The following SLC35F5 variants were observed in gnomAD, a reference collection of about 807,000 sequenced individuals.
SLC35F5 encodes solute carrier family 35 member F5.
A neutral mutation model predicts 68.6 loss-of-function variants in SLC35F5; 54 were observed. The ratio of observed to expected loss-of-function variants is 0.79; its 90% CI spans 0.63 to 0.99. The LOEUF (loss-of-function observed/expected upper bound fraction) is 0.99, where lower values mean the gene tolerates loss of function less well. Ranked by LOEUF, SLC35F5 falls within the 50% of genes least tolerant of loss-of-function variation. SLC35F5 has a pLI of 0.00. For missense variants in SLC35F5, 567 were observed against 626.9 expected, an observed-to-expected ratio of 0.90 and a Z score of 1.02; for synonymous variants, 211 against 205.2, an observed-to-expected ratio of 1.03 and a Z score of -0.24.
downstream of SLC35F5, among the ~76,000 whole-genome samples, chr2:113,703,322 TAA>T (rs1686733343): frequency 6.6e-6 from 1 of 152,268 alleles, no homozygotes; most frequent in East Asian, 1.9e-4. Context: ...GTCCATATGC[TAA>T]AAGCAAGGAT....
At chr2:113,743,665 T>G in intron 6 of SLC35F5, 48 bp downstream of exon 6, 1 of 1,465,910 alleles carries the variant, frequency 6.8e-7, no homozygotes. Flanking sequence ...AGTTCTGAAG[T>G]GGCTTGAATA....
chr2:113,727,589 G>A (rs921562166), intron 11 of SLC35F5, among the ~76,000 whole-genome samples: 3 of 152,156 alleles, frequency 2.0e-5, no homozygotes, highest in Admixed American at 1.3e-4. Flanking sequence ...AGAATCTGGC[G>A]CCACATGCCT....
chr2:113,703,976 C>T (rs1033856513), downstream of SLC35F5: 1 of 152,508 alleles, frequency 6.6e-6, no homozygotes, highest in Non-Finnish European at 1.5e-5. Context: ...GGAGTTGGTT[C>T]CTTCTGATGT....
chr2:113,719,386 A>G (rs1439451661), intron 13 of SLC35F5, 78 bp from the exon 14 acceptor site: 6 of 1,321,878 alleles, frequency 4.5e-6, no homozygotes, highest in Middle Eastern at 2.7e-4. Context: ...TAAGTTTTCT[A>G]TTTGTGAAAA....
intron 4 of SLC35F5, among the ~76,000 whole-genome samples, chr2:113,749,959 TA>T (rs1489014231): frequency 2.0e-5 from 3 of 152,174 alleles, no homozygotes; most frequent in Non-Finnish European, 4.4e-5. Context: ...TATTATATTA[TA>T]TTACATCAAT....
At chr2:113,738,949 A>G (rs1352566264) in intron 7 of SLC35F5, among the ~76,000 whole-genome samples, 4 of 152,234 alleles carry the variant, frequency 2.6e-5, no homozygotes, top group Non-Finnish European at 1.5e-5. Flanking sequence ...AAATACAAAT[A>G]TAATATTGAA....
intron 11 of SLC35F5, 77 bp from the exon 12 acceptor site, chr2:113,725,614 AT>A: frequency 7.3e-7 from 1 of 1,370,464 alleles, no homozygotes; most frequent in Non-Finnish European, 9.8e-7. Context: ...TAAAATCAAA[AT>A]TAGATTTTGC....
chr2:113,707,980 G>A lies in SLC35F5; in HGVS notation c.*7238C>T, dbSNP rs1004198483. On this transcript the variant is annotated 3_prime_UTR_variant, in exon 16 of 16. Coordinates refer to ENST00000245680, the MANE Select transcript of SLC35F5 (RefSeq NM_025181.5). ...CATGTTCTACTAGTAAAGGGAATTCGCATTTTCAATGTCCTGTCTGCATTC... is the reference window on the plus strand; with the variant it reads ...CATGTTCTACTAGTAAAGGGAATTCACATTTTCAATGTCCTGTCTGCATTC... Among the ~76,000 whole-genome samples the A allele has an allele frequency of 5.9e-5, 9 of 151,640 alleles. No individual in the cohort carries two copies. Among genetic ancestry groups the A allele is most frequent in the African/African-American group, 1.5e-4 (6 of 41,310 alleles).
At chr2:113,738,475 T>G (rs1229693565) in intron 7 of SLC35F5, among the ~76,000 whole-genome samples, 1 of 152,074 alleles carries the variant, frequency 6.6e-6, no homozygotes, top group East Asian at 1.9e-4. Context: ...GCCATGAAAA[T>G]GTACTATATA....
At chr2:113,718,293 G>T in intron 14 of SLC35F5, among the ~76,000 whole-genome samples, 1 of 151,718 alleles carries the variant, frequency 6.6e-6, no homozygotes, top group South Asian at 2.1e-4. Context: ...TTGATATGTT[G>T]CCCAGGCTGG....
At position 113,742,664 on chromosome 2, in the gene SLC35F5, A is replaced by C. The variant is rs537858238; in HGVS notation, c.750+28T>G. Reference sequence around the variant, plus strand: ...TCTTAAAATTCAAGTTTCAAACATCATATGCAAACATATCATAAAAGACCT... The same window carrying C: ...TCTTAAAATTCAAGTTTCAAACATCCTATGCAAACATATCATAAAAGACCT... On this transcript the variant is annotated intron_variant, in intron 7 of 15. Transcript: ENST00000245680. The C allele has an allele frequency of 1.1e-5, 17 of 1,608,658 alleles. No individual in the cohort carries two copies. In the Admixed American group the frequency reaches 2.3e-4, roughly 22 times the overall value.
chr2:113,731,502 G>A, intron 10 of SLC35F5, 82 bp downstream of exon 10: 1 of 1,029,452 alleles, frequency 9.7e-7, no homozygotes, highest in Non-Finnish European at 1.5e-6. Context: ...CCTACCCTTT[G>A]TGCGTTCATC....
chr2:113,734,007 C>CT (rs1687993232), intron 9 of SLC35F5, among the ~76,000 whole-genome samples: 1 of 152,200 alleles, frequency 6.6e-6, no homozygotes, highest in Admixed American at 6.5e-5. Flanking sequence ...TAAAACAAGG[C>CT]TATGGCCTTC....
Position 113,756,525 on chromosome 2 carries a change from G to A in SLC35F5, c.-116C>T, listed in dbSNP as rs913529099. 1.7e-5 allele frequency: 25 copies of A among 1,497,576 alleles called. No individual in the cohort carries two copies. In the African/African-American group the frequency reaches 3.3e-4, roughly 20 times the overall value. The allele number at this position is 1,497,576 out of a possible 1,614,324, so 92.8% of individuals were successfully genotyped here. ...CTGGAGGCCCAGCTCCTGAAGACGC[G>A]GTGCCCCTCAGGGAGAGGCTCCCGA... On this transcript the variant is annotated 5_prime_UTR_variant, in exon 1 of 16. Transcript: ENST00000245680.
chr2:113,724,750 G>A (rs1687591147), intron 12 of SLC35F5, among the ~76,000 whole-genome samples: 1 of 152,018 alleles, frequency 6.6e-6, no homozygotes, highest in Non-Finnish European at 1.5e-5. Context: ...TAAGTATAAA[G>A]CTCTGTTATT....
intron 3 of SLC35F5, among the ~76,000 whole-genome samples, 162 bp from the exon 4 acceptor site, chr2:113,750,730 T>C (rs1402382216): frequency 6.6e-6 from 1 of 152,220 alleles, no homozygotes; most frequent in Non-Finnish European, 1.5e-5. Context: ...TTCTGAAGAC[T>C]GTATCGGCCT....
chr2:113,723,361 C>A (rs1687530369), intron 12 of SLC35F5, among the ~76,000 whole-genome samples, 167 bp from the exon 13 acceptor site: 2 of 151,676 alleles, frequency 1.3e-5, no homozygotes, highest in Admixed American at 1.3e-4. Context: ...AGATGATTCT[C>A]AGTTTTTCTT....
chr2:113,707,457 A>G lies in SLC35F5; in HGVS notation c.*7761T>C, dbSNP rs185522785. On this transcript the variant is annotated 3_prime_UTR_variant, in exon 16 of 16. Transcript: ENST00000245680. Reference sequence around the variant, plus strand: ...GTATATAAAATAACCCTTTACAAGGATTTACTAGGATGACTGCAAAGAAAG... The same window carrying G: ...GTATATAAAATAACCCTTTACAAGGGTTTACTAGGATGACTGCAAAGAAAG... Among the ~76,000 whole-genome samples the G allele has an allele frequency of 2.1e-3, 322 of 152,334 alleles. 2 individuals are homozygous for G. The highest frequency in any genetic ancestry group is 7.5e-3 in the African/African-American group (313 of 41,572).
At chr2:113,754,245 G>A (rs548545846) in intron 3 of SLC35F5, among the ~76,000 whole-genome samples, 104 of 147,326 alleles carry the variant, frequency 7.1e-4, no homozygotes, top group Non-Finnish European at 9.9e-4. Context: ...AGCCGAGATC[G>A]CACCATTGCA....
Sources: allele counts gnomAD v4.1 joint callset (sites outside exome capture counted in the v4.1 genomes callset), GRCh38; gene constraint gnomAD v4.1.1; transcripts MANE v1.5; gene names NCBI Gene and HGNC (gene_info 2026-07-23, HGNC 2026-07-21).